The following AOAH variants were observed in gnomAD, a reference collection of about 807,000 sequenced individuals.
The protein encoded by AOAH is acyloxyacyl hydrolase (neutrophil).
AOAH carries 64 observed loss-of-function variants against 92.2 expected under a neutral mutation model. The observed-to-expected ratio is 0.69, with a 90% CI of 0.57 to 0.86. AOAH has a LOEUF of 0.86. Among genes scored for constraint, AOAH ranks in the 40% least tolerant of loss-of-function variants. AOAH has a pLI of 0.00. For synonymous variants in AOAH, 263 were observed against 254.5 expected, an observed-to-expected ratio of 1.03 and a Z score of -0.32; for missense variants, 656 against 694.6, an observed-to-expected ratio of 0.94 and a Z score of 0.62.
chr7:36,680,718 T>C (rs766250961), intron 2 of AOAH, among the ~76,000 whole-genome samples: 2 of 152,244 alleles, frequency 1.3e-5, no homozygotes, highest in Non-Finnish European at 2.9e-5. Context: ...CTGAGTGTTC[T>C]ATTTTCAGCT....
At chr7:36,662,866 G>A (rs983198950) in intron 3 of AOAH, among the ~76,000 whole-genome samples, 2 of 152,120 alleles carry the variant, frequency 1.3e-5, no homozygotes, top group African/African-American at 4.8e-5. Flanking sequence ...CCTCTAAGAT[G>A]ATTTATCATC....
chr7:36,537,214 T>C lies in AOAH; in HGVS notation c.1306+3105A>G, dbSNP rs539276566. On this transcript the variant is annotated intron_variant, in intron 16 of 20. Coordinates refer to ENST00000617537, the MANE Select transcript of AOAH (RefSeq NM_001637.4). ...TAAGCATCAAACAAATTTTAGATGGTTTCAGCTTTCTCCTTGATTGGATTT... is the reference window on the plus strand; with the variant it reads ...TAAGCATCAAACAAATTTTAGATGGCTTCAGCTTTCTCCTTGATTGGATTT... 1.2e-3 allele frequency among the ~76,000 whole-genome samples: 185 copies of C among 148,590 alleles called. 1 individual carries two copies. The highest frequency in any genetic ancestry group is 4.3e-3 in the African/African-American group (176 of 40,574).
At chr7:36,539,072 A>C (rs535873661) in intron 16 of AOAH, among the ~76,000 whole-genome samples, 7 of 152,340 alleles carry the variant, frequency 4.6e-5, no homozygotes, top group African/African-American at 1.7e-4. Context: ...CTGCAGGAAG[A>C]GGACAAGAGA....
At chr7:36,522,993 G>A (rs1297120382) in intron 19 of AOAH, among the ~76,000 whole-genome samples, 3 of 152,178 alleles carry the variant, frequency 2.0e-5, no homozygotes, top group African/African-American at 7.2e-5. Context: ...GGCTTTGATT[G>A]GACAAGACGG....
At chr7:36,636,542 A>C (rs972092704) in intron 5 of AOAH, among the ~76,000 whole-genome samples, 1 of 152,326 alleles carries the variant, frequency 6.6e-6, no homozygotes, top group East Asian at 1.9e-4. Context: ...TGGTCTTTTA[A>C]TATCTTATTC....
chr7:36,578,948 C>T (rs1168525101), intron 12 of AOAH, among the ~76,000 whole-genome samples: 1 of 152,066 alleles, frequency 6.6e-6, no homozygotes, highest in Admixed American at 6.6e-5. Context: ...CAGGAAGCTT[C>T]TAATCATGGC....
At chr7:36,659,061 T>C in intron 4 of AOAH, 105 bp downstream of exon 4, 1 of 929,636 alleles carries the variant, frequency 1.1e-6, no homozygotes, top group South Asian at 1.3e-5. Flanking sequence ...TGCCTCTCCC[T>C]GTCCCCAAAA....
intron 13 of AOAH, among the ~76,000 whole-genome samples, chr7:36,552,727 G>A (rs1046871899): frequency 6.6e-6 from 1 of 151,950 alleles, no homozygotes; most frequent in African/African-American, 2.4e-5. Flanking sequence ...TCCCCTCCAT[G>A]CCTCCCCACC....
intron 13 of AOAH, among the ~76,000 whole-genome samples, chr7:36,563,209 C>T (rs534586322): frequency 6.9e-6 from 1 of 145,134 alleles, no homozygotes; most frequent in East Asian, 2.1e-4. Context: ...GCCCCACCTT[C>T]CTGGGACCAC....
rs2116318715 is a variant in AOAH at position 36,549,443 on chromosome 7, C to T, written c.1054G>A (p.Glu352Lys). Residue 352 changes from glutamate (E) to lysine (K), a missense_variant, in exon 14 of 21, where the codon GAA (glutamate) becomes AAA (lysine). By Grantham distance (56) the Glu-to-Lys change is moderately conservative (BLOSUM62 1). Transcript: ENST00000617537. ...ASSRNLKKFI[E>K]SLSRNKVLDY... ...AACTTCTTATCTTCTGCTTACCTTT[C>T]TATAAATTTCTTCAGGTTTCGGGAA... 6.3e-7 allele frequency: 1 copy of T among 1,595,498 alleles called. No individual in the cohort carries two copies. The highest frequency in any genetic ancestry group is 1.1e-5 in the South Asian group (1 of 89,004).
At chr7:36,627,759 G>A (rs561263868) in intron 6 of AOAH, among the ~76,000 whole-genome samples, 1 of 152,258 alleles carries the variant, frequency 6.6e-6, no homozygotes, top group South Asian at 2.1e-4. Flanking sequence ...CATGCAGCCT[G>A]GTGTCACTCG....
At chr7:36,549,871 C>T (rs116404313) in intron 13 of AOAH, among the ~76,000 whole-genome samples, 96 of 152,246 alleles carry the variant, frequency 6.3e-4, no homozygotes, top group African/African-American at 2.1e-3. Flanking sequence ...AAGAATGTTA[C>T]GAGAATTACC....
intron 1 of AOAH, among the ~76,000 whole-genome samples, chr7:36,706,420 A>T (rs1242906249): frequency 6.6e-6 from 1 of 152,104 alleles, no homozygotes; most frequent in Non-Finnish European, 1.5e-5. Context: ...CCGTTATCCA[A>T]GTTTTATTGT....
In AOAH at chr7:36,540,422, C is replaced by T; in HGVS notation, c.1203G>A (p.Lys401=). The T allele has an allele frequency of 6.2e-7, 1 of 1,613,992 alleles. No individual in the cohort carries two copies. Among genetic ancestry groups the T allele is most frequent in the South Asian group, 1.1e-5 (1 of 91,052 alleles). The part of the protein sequence containing the change: ...KLYSNVMQTL[K]HLNSHLPNGS... ...CATTGGGCAGGTGGGAATTTAGATG[C>T]TTCAGAGTCTGCATGACGTTGGAGT... The change falls in exon 16 of 21, where the codon AAG becomes AAA. Residue 401 remains lysine (K), a synonymous_variant. Transcript: ENST00000617537.
At chr7:36,658,518 A>G (rs1352042201) in intron 4 of AOAH, among the ~76,000 whole-genome samples, 1 of 152,188 alleles carries the variant, frequency 6.6e-6, no homozygotes, top group African/African-American at 2.4e-5. Flanking sequence ...AATCTAATTA[A>G]AAGCTACACA....
intron 2 of AOAH, among the ~76,000 whole-genome samples, chr7:36,678,523 ATTCATC>A (rs894988260): frequency 8.1e-5 from 12 of 148,874 alleles, no homozygotes; most frequent in African/African-American, 2.9e-4. Flanking sequence ...GGCAGAGAAA[ATTCATC>A]TTCTTTCTGG....
chr7:36,528,737 A>G (rs1363868561), intron 19 of AOAH, among the ~76,000 whole-genome samples: 3 of 152,194 alleles, frequency 2.0e-5, no homozygotes, highest in Admixed American at 6.5e-5. Context: ...CTGGGACTAC[A>G]AGCATGCACC....
At chr7:36,659,016 T>C in intron 4 of AOAH, 150 bp downstream of exon 4, 1 of 674,014 alleles carries the variant, frequency 1.5e-6, no homozygotes, top group Admixed American at 2.3e-5. Flanking sequence ...AATGCAGGAA[T>C]ATTATTTCTT....
At chr7:36,551,760 T>G (rs188228413) in intron 13 of AOAH, among the ~76,000 whole-genome samples, 222 of 152,362 alleles carry the variant, frequency 1.5e-3, no homozygotes, top group African/African-American at 5.3e-3. Flanking sequence ...CTGCTATGGA[T>G]AGTCCCTGCT....
Sources: gnomAD v4.1 joint callset for allele counts (sites outside exome capture counted in the v4.1 genomes callset) on GRCh38, gnomAD v4.1.1 for gene constraint, MANE v1.5 for transcripts, NCBI Gene and HGNC (gene_info 2026-07-23, HGNC 2026-07-21) for gene names.